Variants in ODAD4 observed in about 807,000 individuals in gnomAD.
ODAD4 encodes outer dynein arm-docking complex subunit 4.
Under a neutral mutation model 51.8 loss-of-function variants are expected in ODAD4, and 49 were observed. The observed-to-expected ratio is 0.95, with a 90% CI of 0.75 to 1.20. The LOEUF is 1.20. Among genes scored for constraint, ODAD4 ranks in the 50% most tolerant of loss-of-function variants. The probability of loss-of-function intolerance (pLI) is 0.00; values close to 1 mark genes in which losing one functional copy is unlikely to be tolerated. For missense variants in ODAD4, 590 were observed against 586.5 expected (o/e 1.01, Z -0.06); for synonymous variants, 235 against 221.3 (o/e 1.06, Z -0.55).
chr17:41,954,325 C>T (rs2050699065), intron 9 of ODAD4, among the ~76,000 whole-genome samples: 3 of 152,016 alleles, frequency 2.0e-5, no homozygotes, highest in African/African-American at 7.2e-5. Context: ...AAATGAAGCT[C>T]TGAGGGCTCA....
Position 41,946,260 on chromosome 17 carries a change from C to G in ODAD4, c.1145+1038C>G, listed in dbSNP as rs1451958639. 2.0e-5 allele frequency among the ~76,000 whole-genome samples: 3 copies of G among 152,340 alleles called. No homozygotes were observed. In the East Asian group the frequency reaches 5.8e-4, roughly 29 times the overall value. On this transcript the variant is annotated intron_variant, in intron 8 of 11. Coordinates refer to ENST00000377540, the MANE Select transcript of ODAD4 (RefSeq NM_031421.5). ...CCTACATTCAGTTAACACTTTAGTG[C>G]GACAGGTGTGGACCATCAGGAAATG...
At chr17:41,950,675 C>T (rs1356198231) in intron 9 of ODAD4, among the ~76,000 whole-genome samples, 3 of 151,650 alleles carry the variant, frequency 2.0e-5, no homozygotes, top group Non-Finnish European at 2.9e-5. Context: ...TGCGCCTGGC[C>T]GAGGAAACCT....
At chr17:41,957,170 T>G (rs2050744486) in intron 10 of ODAD4, among the ~76,000 whole-genome samples, 1 of 152,182 alleles carries the variant, frequency 6.6e-6, no homozygotes, top group African/African-American at 2.4e-5. Context: ...GCTTCCAAAG[T>G]GCTGGGACTG....
At chr17:41,944,857 A>G (rs2050565093) in intron 7 of ODAD4, among the ~76,000 whole-genome samples, 1 of 152,096 alleles carries the variant, frequency 6.6e-6, no homozygotes, top group Non-Finnish European at 1.5e-5. Flanking sequence ...TTCTTGTCAC[A>G]TTATCTTTTT....
At chr17:41,951,622 G>A (rs368309745) in intron 9 of ODAD4, among the ~76,000 whole-genome samples, 36 of 151,280 alleles carry the variant, frequency 2.4e-4, no homozygotes, top group East Asian at 7.9e-4. Context: ...GGTGGCTCAC[G>A]CATGTAATCC....
At chr17:41,956,688 G>A (rs1172413072) in intron 10 of ODAD4, among the ~76,000 whole-genome samples, 17 of 151,994 alleles carry the variant, frequency 1.1e-4, no homozygotes, top group Admixed American at 1.1e-3. Context: ...AGTTGAGGCT[G>A]TAACAAGGAG....
Position 41,935,333 on chromosome 17 carries a change from C to T in ODAD4, c.231C>T (p.Asp77=), listed in dbSNP as rs1004715193. ...ATGCTGAGGCTTCGCTCCAGAGTGACCCAGCTTTCTGTAAGGTGACTGCAT... is the reference window on the plus strand; with the variant it reads ...ATGCTGAGGCTTCGCTCCAGAGTGATCCAGCTTTCTGTAAGGTGACTGCAT... ...LKDAEASLQS[D]PAFCKGILQK... is the part of the protein sequence containing the mutation. The change falls in exon 2 of 12, where the codon GAC becomes GAT. Residue 77 remains aspartate (D), a synonymous_variant. Coordinates refer to ENST00000377540, the MANE Select transcript of ODAD4 (RefSeq NM_031421.5). The T allele has an allele frequency of 1.1e-5, 17 of 1,613,714 alleles. No homozygotes were observed. Among genetic ancestry groups the T allele is most frequent in the Admixed American group, 3.3e-5 (2 of 59,962 alleles).
Position 41,934,950 on chromosome 17 carries a change from A to G in ODAD4, c.115-267A>G, listed in dbSNP as rs72820832. ...AGCAGCATATTCCTACTCTTCAGCC[A>G]GTGGCTTCCACAATAGCCATGATTT... is the stretch of plus-strand genomic sequence containing the variant. On this transcript the variant is annotated intron_variant, in intron 1 of 11. Coordinates refer to ENST00000377540, the MANE Select transcript of ODAD4 (RefSeq NM_031421.5). Among the ~76,000 whole-genome samples, 1,151 of 152,314 alleles carry G rather than the reference A, an allele frequency of 7.6e-3. 13 individuals carry two copies. Among genetic ancestry groups the G allele is most frequent in the Non-Finnish European group, 0.011 (782 of 68,034 alleles).
At chr17:41,933,848 C>T (rs1020807379) in intron 1 of ODAD4, among the ~76,000 whole-genome samples, 3 of 151,622 alleles carry the variant, frequency 2.0e-5, no homozygotes, top group South Asian at 2.1e-4. Context: ...CAGTTAGATG[C>T]CTCAGGAAGG....
rs1158304567 is a variant in ODAD4, at chr17:41,936,606, G to T, written c.459+72G>T. The T allele has an allele frequency of 4.6e-6, 7 of 1,519,798 alleles. No individual in the cohort carries two copies. The African/African-American group carries it at 9.6e-5, about 21-fold the overall frequency. The allele number at this position is 1,519,798 out of a possible 1,614,324, so 94.1% of individuals were successfully genotyped here. On this transcript the variant is annotated intron_variant, in intron 4 of 11. Coordinates refer to ENST00000377540, the MANE Select transcript of ODAD4 (RefSeq NM_031421.5). The stretch of plus-strand genomic sequence containing the variant: ...ATGTGTGCCTGAGAAGGGGTCTTGG[G>T]AGTCTAGCTGCAACCTGACCAGGCA...
chr17:41,937,897 A>G (rs2050449918), intron 5 of ODAD4, among the ~76,000 whole-genome samples: 1 of 152,224 alleles, frequency 6.6e-6, no homozygotes, highest in African/African-American at 2.4e-5. Context: ...GAGCAGGGTC[A>G]CCTGTGAATC....
chr17:41,949,591 C>A (rs1172346716), intron 9 of ODAD4, among the ~76,000 whole-genome samples: 3 of 152,182 alleles, frequency 2.0e-5, no homozygotes, highest in Non-Finnish European at 4.4e-5. Context: ...CAGCTGCAGA[C>A]CCACACAGCA....
chr17:41,953,816 C>T (rs964071116), intron 9 of ODAD4, among the ~76,000 whole-genome samples: 5 of 151,600 alleles, frequency 3.3e-5, no homozygotes, highest in South Asian at 2.1e-4. Flanking sequence ...TACATGCATG[C>T]GGCCTCACAC....
chr17:41,942,965 C>G (rs1261697579), intron 7 of ODAD4, among the ~76,000 whole-genome samples: 1 of 152,104 alleles, frequency 6.6e-6, no homozygotes. Context: ...TAGGCCCAAG[C>G]AATCTTCCTA....
intron 11 of ODAD4, among the ~76,000 whole-genome samples, chr17:41,964,645 TTTC>T (rs2050850589): frequency 6.6e-6 from 1 of 152,118 alleles, no homozygotes; most frequent in Non-Finnish European, 1.5e-5. Flanking sequence ...CTTTCTTTTT[TTTC>T]TTCTTTCTTT....
chr17:41,935,292 G>C lies in ODAD4; in HGVS notation c.190G>C (p.Glu64Gln). 1 of 1,614,002 alleles carries C rather than the reference G, an allele frequency of 6.2e-7. No individual in the cohort carries two copies. Among genetic ancestry groups the C allele is most frequent in the Admixed American group, 1.7e-5 (1 of 60,018 alleles). ...SKCFLKMGDLERSLKDAEASL... is the reference protein window; with the variant it reads ...SKCFLKMGDLQRSLKDAEASL... The stretch of plus-strand genomic sequence containing the variant: ...GTGCTTCCTGAAGATGGGAGACTTG[G>C]AGAGATCCCTGAAGGATGCTGAGGC... Residue 64 changes from glutamate (E) to glutamine (Q), a missense_variant, in exon 2 of 12, where the codon GAG (glutamate) becomes CAG (glutamine). Transcript: ENST00000377540.
intron 1 of ODAD4, among the ~76,000 whole-genome samples, chr17:41,934,251 G>T (rs2050393482): frequency 6.6e-6 from 1 of 151,904 alleles, no homozygotes; most frequent in African/African-American, 2.4e-5. Context: ...ACGTTGGCCA[G>T]GCTGGTCTCA....
chr17:41,964,128 T>C (rs1185875794), intron 11 of ODAD4, among the ~76,000 whole-genome samples: 3 of 151,752 alleles, frequency 2.0e-5, no homozygotes, highest in Admixed American at 1.3e-4. Context: ...TGGCACAATC[T>C]TGGCTCACTG....
chr17:41,930,775 G>A lies in ODAD4; in HGVS notation c.52G>A (p.Ala18Thr). ...GCGAAGCACCTTTCCCTCTTATATG[G>A]CCGAAGGCGAGCGGCTCTACCTGTG... The part of the protein sequence containing the change: ...TLRSTFPSYM[A>T]EGERLYLCGE... The change falls in exon 1 of 12, where the codon GCC becomes ACC. Residue 18 changes from alanine to threonine, a missense_variant. By Grantham distance (58) the Ala-to-Thr change is moderately conservative. Transcript: ENST00000377540. 1 of 1,609,810 alleles carries A rather than the reference G, an allele frequency of 6.2e-7. No homozygotes were observed. The highest frequency in any genetic ancestry group is 8.5e-7 in the Non-Finnish European group (1 of 1,178,016).
Sources: gnomAD v4.1 joint callset for allele counts (sites outside exome capture counted in the v4.1 genomes callset) on GRCh38, gnomAD v4.1.1 for gene constraint, MANE v1.5 for transcripts, NCBI Gene and HGNC (gene_info 2026-07-23, HGNC 2026-07-21) for gene names.